Variants in PARVA observed in about 807,000 individuals in gnomAD.
PARVA encodes the protein alpha-parvin.
Under a neutral mutation model 52.6 loss-of-function variants are expected in PARVA, and 25 were observed. The ratio of observed to expected loss-of-function variants is 0.48; its 90% CI spans 0.35 to 0.66. PARVA has a LOEUF of 0.66. Among genes scored for constraint, PARVA ranks in the 30% least tolerant of loss-of-function variants. The probability of loss-of-function intolerance (pLI) is 0.01; values close to 1 mark genes in which losing one functional copy is unlikely to be tolerated. For missense variants in PARVA, 373 were observed against 450.9 expected, an observed-to-expected ratio of 0.83 and a Z score of 1.56; for synonymous variants, 185 against 179.1, an observed-to-expected ratio of 1.03 and a Z score of -0.26.
chr11:12,494,176 TG>T (rs1220344766), intron 4 of PARVA, among the ~76,000 whole-genome samples: 1 of 152,246 alleles, frequency 6.6e-6, no homozygotes, highest in Non-Finnish European at 1.5e-5. Context: ...CTCATGTGCA[TG>T]ACCCTCCAGC....
upstream of PARVA, chr11:12,377,431 C>T (rs989491920): frequency 8.7e-6 from 12 of 1,375,118 alleles, no homozygotes; most frequent in Non-Finnish European, 1.1e-5. Flanking sequence ...CAAGGCGCGG[C>T]CCCGGGAGCG....
intron 1 of PARVA, among the ~76,000 whole-genome samples, chr11:12,406,965 T>G (rs1034272550): frequency 9.2e-5 from 14 of 152,096 alleles, no homozygotes; most frequent in Non-Finnish European, 1.6e-4. Flanking sequence ...CCACCGTGCC[T>G]GGCCTGTATC....
At chr11:12,404,892 T>C (rs1194791697) in intron 1 of PARVA, among the ~76,000 whole-genome samples, 1 of 152,204 alleles carries the variant, frequency 6.6e-6, no homozygotes, top group Non-Finnish European at 1.5e-5. Flanking sequence ...GAAAACCCTG[T>C]AATGTAATTG....
chr11:12,438,599 A>G (rs1940420933), intron 1 of PARVA, among the ~76,000 whole-genome samples: 1 of 152,206 alleles, frequency 6.6e-6, no homozygotes, highest in African/African-American at 2.4e-5. Flanking sequence ...TGAAGGGGAC[A>G]TTCAAACATA....
intron 4 of PARVA, among the ~76,000 whole-genome samples, chr11:12,488,358 G>A (rs762046951): frequency 1.3e-5 from 2 of 152,126 alleles, no homozygotes; most frequent in Non-Finnish European, 1.5e-5. Context: ...ACATATTTTT[G>A]TATGGGATGG....
intron 5 of PARVA, among the ~76,000 whole-genome samples, chr11:12,502,131 C>G (rs1026675835): frequency 4.9e-4 from 74 of 152,200 alleles, no homozygotes; most frequent in African/African-American, 1.7e-3. Context: ...TAACAAGGCC[C>G]GAAAGCCCAA....
chr11:12,518,311 A>G, intron 11 of PARVA, 134 bp from the exon 12 acceptor site: 2 of 671,382 alleles, frequency 3.0e-6, no homozygotes, highest in Non-Finnish European at 5.3e-6. Flanking sequence ...CCATTTTGGT[A>G]GCCATATTTC....
At chr11:12,443,338 A>AT (rs1940496430) in intron 1 of PARVA, among the ~76,000 whole-genome samples, 1 of 147,006 alleles carries the variant, frequency 6.8e-6, no homozygotes, top group African/African-American at 2.5e-5. Flanking sequence ...AGCCCAGCTA[A>AT]TTTTTTGTAT....
chr11:12,473,356 C>G (rs1940959014), intron 1 of PARVA, among the ~76,000 whole-genome samples: 1 of 152,200 alleles, frequency 6.6e-6, no homozygotes, highest in South Asian at 2.1e-4. Context: ...CCCATTCATC[C>G]TGTCAGCACA....
At chr11:12,426,216 C>T (rs753078734) in intron 1 of PARVA, among the ~76,000 whole-genome samples, 21 of 152,220 alleles carry the variant, frequency 1.4e-4, no homozygotes, top group South Asian at 4.1e-4. Flanking sequence ...AGCAGGGCCT[C>T]TGTCAGATTA....
intron 1 of PARVA, among the ~76,000 whole-genome samples, chr11:12,419,985 T>C (rs1248894621): frequency 2.0e-5 from 3 of 152,208 alleles, no homozygotes; most frequent in African/African-American, 7.2e-5. Flanking sequence ...ATATATTATT[T>C]TTAGCAGATG....
chr11:12,521,276 C>CTGA (rs949446469), intron 12 of PARVA, among the ~76,000 whole-genome samples: 6 of 152,160 alleles, frequency 3.9e-5, no homozygotes, highest in African/African-American at 1.4e-4. Flanking sequence ...TGGTCAGTGG[C>CTGA]TGATAACATG....
At chr11:12,434,069 G>A (rs193058823) in intron 1 of PARVA, among the ~76,000 whole-genome samples, 259 of 152,274 alleles carry the variant, frequency 1.7e-3, no homozygotes, top group African/African-American at 6.0e-3. Flanking sequence ...TGAGCACCGC[G>A]AGCACTATGT....
In PARVA at chr11:12,413,812, C is replaced by G. The variant is rs115738756; in HGVS notation, c.136+36029C>G. On this transcript the variant is annotated intron_variant, in intron 1 of 12. Coordinates refer to ENST00000334956, the MANE Select transcript of PARVA (RefSeq NM_018222.5). ...CCCAGAACCAAACTTGGAGAACACTCGAGCCCCCAGCTGAAAGACATTAAT... is the reference window on the plus strand; with the variant it reads ...CCCAGAACCAAACTTGGAGAACACTGGAGCCCCCAGCTGAAAGACATTAAT... Among the ~76,000 whole-genome samples, 1,301 of 152,328 alleles carry G rather than the reference C, an allele frequency of 8.5e-3. 20 individuals are homozygous for G. Among genetic ancestry groups the G allele is most frequent in the African/African-American group, 0.029 (1,225 of 41,582 alleles).
At chr11:12,500,060 A>G (rs535320223) in intron 5 of PARVA, among the ~76,000 whole-genome samples, 2 of 152,292 alleles carry the variant, frequency 1.3e-5, no homozygotes, top group South Asian at 2.1e-4. Flanking sequence ...TGACTTCTTT[A>G]GGATAAATAC....
At chr11:12,397,556 C>T (rs1392925215) in intron 1 of PARVA, among the ~76,000 whole-genome samples, 3 of 152,180 alleles carry the variant, frequency 2.0e-5, no homozygotes, top group Non-Finnish European at 2.9e-5. Context: ...AAGAAAAACA[C>T]CTACACACAT....
chr11:12,415,463 A>G (rs1392388914), intron 1 of PARVA, among the ~76,000 whole-genome samples: 1 of 146,218 alleles, frequency 6.8e-6, no homozygotes, highest in Admixed American at 6.9e-5. Flanking sequence ...CCACCCCAAC[A>G]TGTGCTTCAA....
At chr11:12,463,199 T>TG (rs2135025805) in intron 1 of PARVA, among the ~76,000 whole-genome samples, 1 of 152,280 alleles carries the variant, frequency 6.6e-6, no homozygotes, top group Non-Finnish European at 1.5e-5. Flanking sequence ...TATTACTAAC[T>TG]TACAGTTAGT....
chr11:12,389,574 C>T (rs184605149), intron 1 of PARVA, among the ~76,000 whole-genome samples: 145 of 152,274 alleles, frequency 9.5e-4, no homozygotes, highest in African/African-American at 3.4e-3. Context: ...AGGTGGAACT[C>T]TTAGGAGACA....
Sources: gnomAD v4.1 joint callset for allele counts (sites outside exome capture counted in the v4.1 genomes callset) on GRCh38, gnomAD v4.1.1 for gene constraint, MANE v1.5 for transcripts, NCBI Gene and HGNC (gene_info 2026-07-23, HGNC 2026-07-21) for gene names.